JADE2: variants seen among roughly 807,000 people sequenced by gnomAD.
JADE2 encodes the protein E3 ubiquitin-protein ligase Jade-2.
JADE2 carries 13 observed loss-of-function variants against 85.7 expected under a neutral mutation model. The observed-to-expected ratio is 0.15, with a 90% CI of 0.10 to 0.24. JADE2 has a LOEUF of 0.24. Ranked by LOEUF, JADE2 falls within the 10% of genes least tolerant of loss-of-function variation. The pLI, the probability that JADE2 is intolerant of heterozygous loss-of-function variation, is 1.00. For missense variants in JADE2, 846 were observed against 1,115.9 expected, an observed-to-expected ratio of 0.76 and a Z score of 3.45; for synonymous variants, 440 against 456.1, an observed-to-expected ratio of 0.96 and a Z score of 0.45.
chr5:134,569,473 A>G (rs1183155434), intron 9 of JADE2, among the ~76,000 whole-genome samples: 5 of 152,336 alleles, frequency 3.3e-5, no homozygotes, highest in African/African-American at 1.2e-4. Flanking sequence ...AGGCATGGCC[A>G]CTGCAGCCTC....
rs748349072 is a variant in JADE2 at position 134,566,263 on chromosome 5, C to G, written c.1117C>G (p.Pro373Ala). 1.2e-6 allele frequency: 2 copies of G among 1,614,140 alleles called. No homozygotes were observed. Among genetic ancestry groups the G allele is most frequent in the Admixed American group, 1.7e-5 (1 of 60,018 alleles). Residue 373 changes from proline to alanine, a missense_variant, in exon 9 of 12, where the codon CCC (proline) becomes GCC (alanine). By Grantham distance (27) the Pro-to-Ala change is conservative. Transcript: ENST00000681547. The surrounding 1 kb of genome is among the most constrained non-coding windows in gnomAD (Gnocchi z 6.7). ...EHSDGGPRNE[P>A]TSEPTEPSQA... ...CAGTGACGGGGGCCCACGTAATGAG[C>G]CCACATCTGAGCCCACGGAACCCAG... is the stretch of plus-strand genomic sequence containing the variant.
intron 3 of JADE2, among the ~76,000 whole-genome samples, chr5:134,540,906 C>T (rs745402934): frequency 6.6e-6 from 1 of 152,214 alleles, no homozygotes; most frequent in African/African-American, 2.4e-5. Context: ...CAGGTGTCAG[C>T]GGAGGCTGAG....
chr5:134,572,435 T>C (rs1764092028), intron 9 of JADE2, among the ~76,000 whole-genome samples: 1 of 152,202 alleles, frequency 6.6e-6, no homozygotes, highest in Non-Finnish European at 1.5e-5. Flanking sequence ...AGAGGTCTGA[T>C]CTTGGCTGCC....
At chr5:134,525,150 T>A (rs1033970706), upstream of JADE2, among the ~76,000 whole-genome samples, 3 of 151,358 alleles carry the variant, frequency 2.0e-5, no homozygotes, top group Non-Finnish European at 2.9e-5. Context: ...AAGATTTTTT[T>A]AAGTATAAGC....
intron 4 of JADE2, among the ~76,000 whole-genome samples, chr5:134,553,877 C>T (rs1390616955): frequency 6.6e-6 from 1 of 152,202 alleles, no homozygotes; most frequent in Non-Finnish European, 1.5e-5. Context: ...GCCACATGGC[C>T]CTGGGTCTTG....
upstream of JADE2, among the ~76,000 whole-genome samples, chr5:134,524,640 G>A (rs1760695828): frequency 6.6e-6 from 1 of 151,974 alleles, no homozygotes; most frequent in African/African-American, 2.4e-5. Context: ...CCACCCACCC[G>A]CTCATCACTG....
chr5:134,559,947 T>C lies in JADE2; in HGVS notation c.429T>C (p.Asp143=), dbSNP rs771221323. Reference sequence around the variant, plus strand: ...GCCGCTATGACTTGGACGAGATTGATGCCTACTGGCTGGAGCTCATCAACT... The same window carrying C: ...GCCGCTATGACTTGGACGAGATTGACGCCTACTGGCTGGAGCTCATCAACT... ...GGSRYDLDEI[D]AYWLELINSE... is the part of the protein sequence containing the mutation. Residue 143 remains aspartate, a synonymous_variant, in exon 5 of 12, where the codon GAT becomes GAC. Coordinates refer to ENST00000681547, the MANE Select transcript of JADE2 (RefSeq NM_001388185.1). 6.2e-7 allele frequency: 1 copy of C among 1,614,132 alleles called. No individual in the cohort carries two copies. Among genetic ancestry groups the C allele is most frequent in the Non-Finnish European group, 8.5e-7 (1 of 1,179,994 alleles).
Position 134,576,886 on chromosome 5 carries a change from G to A in JADE2, c.1671G>A (p.Leu557=). Residue 557 remains leucine, a synonymous_variant, in exon 11 of 12, where the codon CTG becomes CTA. Transcript: ENST00000681547. ...EKVKAGPDSV[L]GQLAGLSTSF... Reference sequence around the variant, plus strand: ...TGAAGGCGGGGCCTGACTCAGTCCTGGGGCAGCTGGGTGAGTGAGGGCCAT... The same window carrying A: ...TGAAGGCGGGGCCTGACTCAGTCCTAGGGCAGCTGGGTGAGTGAGGGCCAT... 1 of 1,541,210 alleles carries A rather than the reference G, an allele frequency of 6.5e-7. No homozygotes were observed. The highest frequency in any genetic ancestry group is 8.8e-7 in the Non-Finnish European group (1 of 1,142,384).
At chr5:134,545,466 C>T (rs775772810) in intron 3 of JADE2, among the ~76,000 whole-genome samples, 2 of 151,330 alleles carry the variant, frequency 1.3e-5, no homozygotes, top group Non-Finnish European at 2.9e-5. Flanking sequence ...TGCAACACAA[C>T]TGGGCAGGGG....
At chr5:134,553,864 G>A (rs185944460) in intron 4 of JADE2, among the ~76,000 whole-genome samples, 36 of 152,344 alleles carry the variant, frequency 2.4e-4, no homozygotes, top group African/African-American at 8.4e-4. Flanking sequence ...TTGTCAGGAG[G>A]AGGCCACATG....
intron 6 of JADE2, among the ~76,000 whole-genome samples, chr5:134,561,671 G>A (rs1763332098): frequency 1.3e-5 from 2 of 152,134 alleles, no homozygotes; most frequent in African/African-American, 2.4e-5. Context: ...TCAGAGGTAG[G>A]GACTTTGCCA....
intron 10 of JADE2, among the ~76,000 whole-genome samples, chr5:134,576,507 A>T (rs552493631): frequency 6.6e-6 from 1 of 152,208 alleles, no homozygotes; most frequent in East Asian, 1.9e-4. Context: ...CCAAGACTAC[A>T]GGTTGTGCAG....
chr5:134,566,560 C>A lies in JADE2; in HGVS notation c.1414C>A (p.Leu472Met). Residue 472 changes from leucine (L) to methionine (M), a missense_variant, in exon 9 of 12, where the codon CTG becomes ATG. This residue lies in a region of JADE2 where 88 missense variants were observed against 140.6 expected (regional missense o/e 0.63). Transcript: ENST00000681547. The surrounding 1 kb of genome is among the most constrained non-coding windows in gnomAD (Gnocchi z 6.7). ...LYRRLKLFTH[L>M]RQDLERVRNL... Reference sequence around the variant, plus strand: ...CCGCCGCCTGAAGCTCTTCACCCATCTGCGGCAGGACCTAGAGAGGGTGAG... The same window carrying A: ...CCGCCGCCTGAAGCTCTTCACCCATATGCGGCAGGACCTAGAGAGGGTGAG... 1 of 1,565,942 alleles carries A rather than the reference C, an allele frequency of 6.4e-7. No homozygotes were observed. Among genetic ancestry groups the A allele is most frequent in the African/African-American group, 1.4e-5 (1 of 73,764 alleles).
intron 7 of JADE2, among the ~76,000 whole-genome samples, chr5:134,563,611 G>A (rs1480092975): frequency 1.3e-5 from 2 of 152,258 alleles, no homozygotes; most frequent in Non-Finnish European, 2.9e-5. Flanking sequence ...GTGCCCAGAA[G>A]CAAGCCAGGT....
intron 9 of JADE2, among the ~76,000 whole-genome samples, chr5:134,567,166 G>C (rs1242892508): frequency 3.3e-5 from 5 of 152,234 alleles, no homozygotes; most frequent in South Asian, 4.1e-4. Flanking sequence ...TGGACTCAAG[G>C]AACGGTGGAG....
At position 134,562,077 on chromosome 5, in the gene JADE2, C is replaced by G; in HGVS notation, c.685-123C>G. The G allele has an allele frequency of 2.1e-6, 2 of 962,886 alleles. No homozygotes were observed. Among genetic ancestry groups the G allele is most frequent in the Non-Finnish European group, 3.0e-6 (2 of 660,916 alleles). 59.6% of individuals were successfully genotyped at this position (962,886 alleles called of 1,614,324 possible). ...TGTAACTCCTCAGAAGTTGTACGTG[C>G]CAGAGATGGGAGGCTGTGTAGCAGT... On this transcript the variant is annotated intron_variant, in intron 6 of 11. Coordinates refer to ENST00000681547, the MANE Select transcript of JADE2 (RefSeq NM_001388185.1). The surrounding 1 kb of genome is among the most constrained non-coding windows in gnomAD (Gnocchi z 4.6).
intron 4 of JADE2, among the ~76,000 whole-genome samples, chr5:134,554,184 C>T (rs73293767): frequency 0.016 from 2,476 of 152,270 alleles, 62 homozygotes; most frequent in African/African-American, 0.056. Flanking sequence ...AGACTCGAAG[C>T]CCCAATAGGG....
intron 4 of JADE2, among the ~76,000 whole-genome samples, chr5:134,555,036 G>A (rs1246157368): frequency 6.6e-6 from 1 of 152,180 alleles, no homozygotes; most frequent in Non-Finnish European, 1.5e-5. Context: ...AAGGCCCCGA[G>A]AACAAGCCCT....
At chr5:134,557,319 G>T (rs1581444885) in intron 4 of JADE2, among the ~76,000 whole-genome samples, 1 of 125,924 alleles carries the variant, frequency 7.9e-6, no homozygotes, top group South Asian at 2.5e-4. Context: ...CTCTTTATTA[G>T]ATTATGTTGC....
Sources: allele counts gnomAD v4.1 joint callset (sites outside exome capture counted in the v4.1 genomes callset), GRCh38; gene constraint gnomAD v4.1.1; regional missense constraint gnomAD v4.1.1; non-coding constraint Gnocchi (gnomAD v3.1); transcripts MANE v1.5; gene names NCBI Gene and HGNC (gene_info 2026-07-23, HGNC 2026-07-21).